The following PCDHA2 variants were observed in gnomAD, a reference collection of about 807,000 sequenced individuals.
PCDHA2 encodes protocadherin alpha-2.
Under a neutral mutation model 66.0 loss-of-function variants are expected in PCDHA2, and 58 were observed. The ratio of observed to expected loss-of-function variants is 0.88; its 90% CI spans 0.71 to 1.09. The LOEUF (loss-of-function observed/expected upper bound fraction) is 1.09, where lower values mean the gene tolerates loss of function less well. PCDHA2 is among the 50% of genes least tolerant of loss of function. PCDHA2 has a pLI of 0.00. For missense variants in PCDHA2, 1,267 were observed against 1,242.3 expected, an observed-to-expected ratio of 1.02 and a Z score of -0.30; for synonymous variants, 634 against 554.0, an observed-to-expected ratio of 1.14 and a Z score of -2.03.
intron 1 of PCDHA2, chr5:140,841,610 G>A (rs199713478): frequency 9.3e-7 from 1 of 1,080,210 alleles, no homozygotes; most frequent in Admixed American, 2.5e-5. Context: ...GGAGCTGTGC[G>A]GGCGGAGCGC....
chr5:140,936,674 T>C (rs1410690822), intron 1 of PCDHA2, among the ~76,000 whole-genome samples: 6 of 152,228 alleles, frequency 3.9e-5, no homozygotes, highest in African/African-American at 1.4e-4. Context: ...GGACTGTCTA[T>C]TCTGTTTCAT....
chr5:140,884,504 G>A (rs782001863), intron 1 of PCDHA2: 5 of 1,614,180 alleles, frequency 3.1e-6, no homozygotes, highest in Admixed American at 3.3e-5. Flanking sequence ...CAGCGCGGCA[G>A]GGAGTTGGTC....
intron 1 of PCDHA2, chr5:140,881,374 G>A: frequency 3.0e-6 from 3 of 984,938 alleles, no homozygotes; most frequent in Non-Finnish European, 3.6e-6. Flanking sequence ...ATGAATTGCA[G>A]CCGGCGGCGG....
chr5:140,869,591 A>G (rs782105068), intron 1 of PCDHA2: 2 of 1,614,020 alleles, frequency 1.2e-6, no homozygotes, highest in Non-Finnish European at 1.7e-6. Flanking sequence ...GCTGACATTG[A>G]AGAGAATGCT....
chr5:140,848,322 C>T, intron 1 of PCDHA2: 1 of 771,738 alleles, frequency 1.3e-6, no homozygotes, highest in Non-Finnish European at 2.1e-6. Flanking sequence ...CCGCGATGTT[C>T]TCTCTGAATC....
rs2150344223 is a variant in PCDHA2 at position 140,842,785 on chromosome 5, G to T, written c.2388+45433G>T. The T allele has an allele frequency of 1.1e-4, 175 of 1,594,390 alleles. 18 individuals are homozygous for T. Among genetic ancestry groups the T allele is most frequent in the Non-Finnish European group, 1.4e-4 (165 of 1,165,442 alleles). ...GAGACGCGGACGCGCAGGAGAACGCGCTGGTGTCCTACTCGCTTGTGGAGC... is the reference window on the plus strand; with the variant it reads ...GAGACGCGGACGCGCAGGAGAACGCTCTGGTGTCCTACTCGCTTGTGGAGC... On this transcript the variant is annotated intron_variant, in intron 1 of 3. Coordinates refer to ENST00000526136, the MANE Select transcript of PCDHA2 (RefSeq NM_018905.3).
chr5:140,950,071 T>C (rs560042578), intron 1 of PCDHA2, among the ~76,000 whole-genome samples: 20 of 152,098 alleles, frequency 1.3e-4, no homozygotes, highest in African/African-American at 4.8e-4. Context: ...TCCTGTGCCA[T>C]TGCTTATGCT....
intron 1 of PCDHA2, chr5:140,807,043 C>A: frequency 1.0e-6 from 1 of 988,306 alleles, no homozygotes. Context: ...AGGGAAAATT[C>A]CTTCTATTCT....
At chr5:140,887,473 G>T (rs574265811) in intron 1 of PCDHA2, among the ~76,000 whole-genome samples, 10 of 152,222 alleles carry the variant, frequency 6.6e-5, no homozygotes, top group African/African-American at 2.4e-4. Flanking sequence ...TAATTCAGTT[G>T]TCTTCTGGCT....
At chr5:140,848,599 T>C (rs2150414040) in intron 1 of PCDHA2, 1 of 1,593,694 alleles carries the variant, frequency 6.3e-7, no homozygotes, top group Non-Finnish European at 8.6e-7. Context: ...CACTACTCCG[T>C]CCCGGAGGAA....
chr5:140,801,269 G>C (rs1305724036), intron 1 of PCDHA2: 5 of 1,613,586 alleles, frequency 3.1e-6, no homozygotes, highest in African/African-American at 1.3e-5. Flanking sequence ...TCGCAGCCTC[G>C]GAGGTGGGGA....
Position 140,845,842 on chromosome 5 carries a change from G to T in PCDHA2, c.2388+48490G>T, listed in dbSNP as rs2150381678. Among the ~76,000 whole-genome samples the T allele has an allele frequency of 1.3e-5, 2 of 149,848 alleles. 1 individual carries two copies. The highest frequency in any genetic ancestry group is 6.9e-3 in the Middle Eastern group (2 of 290). On this transcript the variant is annotated intron_variant, in intron 1 of 3. Transcript: ENST00000526136. ...AATTTAGTTATTACCATTCTTAAGA[G>T]AAAAGAAGTTAGTGATTGCAGAAAG...
At chr5:140,870,611 T>C in intron 1 of PCDHA2, 1 of 1,613,258 alleles carries the variant, frequency 6.2e-7, no homozygotes, top group Non-Finnish European at 8.5e-7. Flanking sequence ...GACCGCGCGC[T>C]GTCGAGCTAC....
At chr5:140,824,188 A>C in intron 1 of PCDHA2, 2 of 1,604,144 alleles carry the variant, frequency 1.2e-6, no homozygotes, top group Non-Finnish European at 8.5e-7. Flanking sequence ...TAAATGTCAC[A>C]TTCACCCACT....
intron 3 of PCDHA2, among the ~76,000 whole-genome samples, chr5:141,002,090 A>AGG (rs782223041): frequency 1.3e-5 from 2 of 152,254 alleles, no homozygotes; most frequent in Non-Finnish European, 2.9e-5. Flanking sequence ...CGAGCAGTCC[A>AGG]GGGGCTGGGC....
intron 1 of PCDHA2, chr5:140,836,345 C>CG (rs1388004217): frequency 8.1e-6 from 13 of 1,613,572 alleles, no homozygotes; most frequent in Non-Finnish European, 9.3e-6. Flanking sequence ...TGAAGGACCA[C>CG]GGGGAGCCCT....
chr5:140,953,270 T>A (rs1362290837), intron 1 of PCDHA2, among the ~76,000 whole-genome samples: 6 of 152,152 alleles, frequency 3.9e-5, no homozygotes, highest in Non-Finnish European at 5.9e-5. Flanking sequence ...GCTTTAGCCT[T>A]TGCTCTTTAT....
intron 1 of PCDHA2, chr5:140,928,708 T>C: frequency 1.2e-6 from 2 of 1,614,208 alleles, no homozygotes; most frequent in Non-Finnish European, 1.7e-6. Context: ...GGCGTCTGAC[T>C]CTAGTCTCTT....
In PCDHA2 at chr5:140,857,202, C is replaced by A. The variant is rs560343247; in HGVS notation, c.2388+59850C>A. 14 of 1,598,626 alleles carry A rather than the reference C, an allele frequency of 8.8e-6. No individual in the cohort carries two copies. In the African/African-American group the frequency reaches 1.1e-4, roughly 12 times the overall value. On this transcript the variant is annotated intron_variant, in intron 1 of 3. Coordinates refer to ENST00000526136, the MANE Select transcript of PCDHA2 (RefSeq NM_018905.3). The stretch of plus-strand genomic sequence containing the variant: ...GATTCAGGAGCCAACGGACAGGTCA[C>A]CTGCTCTCTGACGCCTCACGTTCCG...
Sources: gnomAD v4.1 joint callset for allele counts (sites outside exome capture counted in the v4.1 genomes callset) on GRCh38, gnomAD v4.1.1 for gene constraint, MANE v1.5 for transcripts, NCBI Gene and HGNC (gene_info 2026-07-23, HGNC 2026-07-21) for gene names.